Variants in NDRG1 observed in about 807,000 individuals in gnomAD.
NDRG1 encodes protein NDRG1.
A neutral mutation model predicts 56.9 loss-of-function variants in NDRG1; 32 were observed. The ratio of observed to expected loss-of-function variants is 0.56; its 90% CI spans 0.42 to 0.76. NDRG1 has a LOEUF of 0.76. Among genes scored for constraint, NDRG1 ranks in the 30% least tolerant of loss-of-function variants. The pLI is 0.00. For missense variants in NDRG1, 507 were observed against 545.7 expected, an observed-to-expected ratio of 0.93 and a Z score of 0.71; for synonymous variants, 211 against 204.1, an observed-to-expected ratio of 1.03 and a Z score of -0.29.
chr8:133,271,401 C>T (rs1857177773), intron 3 of NDRG1, among the ~76,000 whole-genome samples: 1 of 152,218 alleles, frequency 6.6e-6, no homozygotes, highest in East Asian at 1.9e-4. Context: ...AGGGGCCTGC[C>T]CCCTCCCCAC....
At chr8:133,265,286 T>C (rs1856859667) in intron 3 of NDRG1, among the ~76,000 whole-genome samples, 1 of 152,312 alleles carries the variant, frequency 6.6e-6, no homozygotes, top group South Asian at 2.1e-4. Context: ...TTTCTAGTAA[T>C]TGGGGAACTG....
chr8:133,247,058 C>T (rs1480143805), intron 12 of NDRG1, among the ~76,000 whole-genome samples: 1 of 152,226 alleles, frequency 6.6e-6, no homozygotes, highest in Non-Finnish European at 1.5e-5. Context: ...AACAACTATT[C>T]TTCATGTAAA....
intron 1 of NDRG1, among the ~76,000 whole-genome samples, chr8:133,289,308 G>C (rs1054558174): frequency 7.2e-5 from 11 of 152,096 alleles, no homozygotes; most frequent in African/African-American, 2.4e-4. Flanking sequence ...TTCAAGAATG[G>C]CATGGAGAAT....
chr8:133,247,962 G>T (rs745682550), intron 11 of NDRG1, 36 bp from the exon 12 acceptor site: 24 of 1,608,774 alleles, frequency 1.5e-5, no homozygotes, highest in Admixed American at 8.3e-5. Context: ...TTAGCACAAG[G>T]TTCCTTTAAA....
At chr8:133,278,982 C>G (rs1049203963) in intron 3 of NDRG1, among the ~76,000 whole-genome samples, 1 of 151,842 alleles carries the variant, frequency 6.6e-6, no homozygotes, top group African/African-American at 2.4e-5. Context: ...CCTCTGCCTC[C>G]CAGGTTCAAG....
At chr8:133,296,327 C>A (rs1858755724) in intron 1 of NDRG1, among the ~76,000 whole-genome samples, 1 of 152,170 alleles carries the variant, frequency 6.6e-6, no homozygotes, top group Admixed American at 6.5e-5. Context: ...AAGGGGCCGC[C>A]AAATGTCCGC....
At chr8:133,248,629 A>G in intron 11 of NDRG1, 86 bp downstream of exon 11, 1 of 1,448,426 alleles carries the variant, frequency 6.9e-7, no homozygotes, top group Non-Finnish European at 9.7e-7. Context: ...GTCCTGCCAC[A>G]CTCAGAAAGA....
intron 2 of NDRG1, among the ~76,000 whole-genome samples, chr8:133,283,843 T>C (rs918286515): frequency 3.3e-5 from 5 of 152,214 alleles, no homozygotes; most frequent in Admixed American, 6.5e-5. Context: ...GCAGTCCCTA[T>C]GGGCAACTGG....
chr8:133,278,480 C>T (rs1295460076), intron 3 of NDRG1, among the ~76,000 whole-genome samples: 1 of 152,136 alleles, frequency 6.6e-6, no homozygotes, highest in African/African-American at 2.4e-5. Context: ...CAGCGTCCTG[C>T]AACATAGAGA....
intron 14 of NDRG1, 65 bp from the exon 15 acceptor site, chr8:133,242,139 G>A: frequency 6.4e-7 from 1 of 1,555,258 alleles, no homozygotes; most frequent in Non-Finnish European, 8.9e-7. Flanking sequence ...GAGGCCATGG[G>A]GGGCTGTGCC....
chr8:133,264,755 C>T, intron 3 of NDRG1, 103 bp from the exon 4 acceptor site: 1 of 991,858 alleles, frequency 1.0e-6, no homozygotes, highest in Non-Finnish European at 1.6e-6. Context: ...AGGAAGCTCT[C>T]TTCTCATCTG....
chr8:133,285,541 G>C (rs982994415), intron 1 of NDRG1, among the ~76,000 whole-genome samples: 1 of 152,204 alleles, frequency 6.6e-6, no homozygotes, highest in African/African-American at 2.4e-5. Context: ...CTCCTCTGAA[G>C]ACCCAGGAAC....
chr8:133,250,337 T>C (rs1447003308), intron 10 of NDRG1, 103 bp downstream of exon 10: 4 of 1,085,964 alleles, frequency 3.7e-6, no homozygotes, highest in Non-Finnish European at 5.7e-6. Context: ...AGAGCCTGCC[T>C]CTTCCGCTCA....
At chr8:133,293,173 CAG>C (rs1858522676) in intron 1 of NDRG1, among the ~76,000 whole-genome samples, 1 of 152,248 alleles carries the variant, frequency 6.6e-6, no homozygotes, top group South Asian at 2.1e-4. Context: ...TGTGGGGCCT[CAG>C]TGTCCCCAGC....
chr8:133,253,584 C>T (rs73364566), intron 9 of NDRG1, among the ~76,000 whole-genome samples: 1,803 of 152,314 alleles, frequency 0.012, 43 homozygotes, highest in African/African-American at 0.04. Context: ...TGCTACTGAC[C>T]AGATTTATAA....
intron 1 of NDRG1, among the ~76,000 whole-genome samples, chr8:133,296,178 C>T (rs1330711053): frequency 6.6e-6 from 1 of 152,108 alleles, no homozygotes; most frequent in Non-Finnish European, 1.5e-5. Flanking sequence ...CGGCGGATCC[C>T]CCAGGAACGT....
At chr8:133,266,297 T>A (rs1180355778) in intron 3 of NDRG1, among the ~76,000 whole-genome samples, 4 of 152,208 alleles carry the variant, frequency 2.6e-5, no homozygotes, top group African/African-American at 9.6e-5. Flanking sequence ...TTCCAAAGAT[T>A]AAATGAGGCA....
chr8:133,252,422 T>G (rs946094005), intron 9 of NDRG1, among the ~76,000 whole-genome samples: 2 of 152,170 alleles, frequency 1.3e-5, no homozygotes, highest in Non-Finnish European at 2.9e-5. Context: ...GCCATCCTGT[T>G]TGTGGTAATT....
chr8:133,278,635 T>C (rs1264089166), intron 3 of NDRG1, among the ~76,000 whole-genome samples: 1 of 152,012 alleles, frequency 6.6e-6, no homozygotes, highest in Non-Finnish European at 1.5e-5. Flanking sequence ...AGTATACCCA[T>C]CTGAAAAATA....
Sources: allele counts gnomAD v4.1 joint callset (sites outside exome capture counted in the v4.1 genomes callset), GRCh38; gene constraint gnomAD v4.1.1; transcripts MANE v1.5; gene names NCBI Gene and HGNC (gene_info 2026-07-23, HGNC 2026-07-21).